The following RHOC variants were observed in gnomAD, a reference collection of about 807,000 sequenced individuals.
RHOC encodes the protein ras homolog family member C.
RHOC carries 13 observed loss-of-function variants against 19.5 expected under a neutral mutation model. That is an observed-to-expected ratio of 0.67 (90% confidence interval 0.43 to 1.06). RHOC has a LOEUF of 1.06. RHOC is among the 50% of genes least tolerant of loss of function. The pLI is 0.00. For synonymous variants in RHOC, 106 were observed against 97.3 expected (o/e 1.09, Z -0.52); for missense variants, 173 against 256.9 (o/e 0.67, Z 2.23).
intron 3 of RHOC, chr1:112,703,390 C>T (rs1242737569): frequency 9.8e-6 from 7 of 715,956 alleles, no homozygotes; most frequent in Non-Finnish European, 1.8e-5. Flanking sequence ...TTACCATCAT[C>T]CCCATTTTGC....
At chr1:112,706,461 A>AC (rs1674866808) in intron 1 of RHOC, among the ~76,000 whole-genome samples, 6 of 10,974 alleles carry the variant, frequency 5.5e-4, no homozygotes, top group African/African-American at 8.7e-4. Flanking sequence ...ACACACACAC[A>AC]CACCACACAC....
chr1:112,703,462 G>A, intron 3 of RHOC, 182 bp downstream of exon 3: 2 of 738,638 alleles, frequency 2.7e-6, no homozygotes, highest in Non-Finnish European at 4.8e-6. Context: ...GCCAGTCTGT[G>A]GGAGAACCAG....
At chr1:112,706,299 C>G (rs928287855) in intron 1 of RHOC, 4 of 152,148 alleles carry the variant, frequency 2.6e-5, no homozygotes, top group African/African-American at 7.2e-5. Context: ...ACTGCATTCT[C>G]AACTTTAAAA....
At position 112,701,161 on chromosome 1, in the gene RHOC, C is replaced by G. The variant is rs965104245; in HGVS notation, c.*379G>C. 6 of 521,632 alleles carry G rather than the reference C, an allele frequency of 1.2e-5. No individual in the cohort carries two copies. The highest frequency in any genetic ancestry group is 1.9e-5 in the African/African-American group (1 of 52,778). 32.3% of individuals were successfully genotyped at this position (521,632 alleles called of 1,614,324 possible). A position where few individuals can be genotyped will look rare whatever the true frequency, so the allele number is the denominator to read the frequency against. ...GCCTGTAGCCTTTATTCATGCCCCC[C>G]TGACCAAATGCAGTGAGAGACAAGG... On this transcript the variant is annotated 3_prime_UTR_variant, in exon 6 of 6. Coordinates refer to ENST00000339083, the MANE Select transcript of RHOC (RefSeq NM_175744.5).
chr1:112,704,113 C>T (rs1674759126), intron 2 of RHOC, among the ~76,000 whole-genome samples: 1 of 152,212 alleles, frequency 6.6e-6, no homozygotes, highest in African/African-American at 2.4e-5. Context: ...CTCCAGGTAG[C>T]TAGAGAGCTG....
Position 112,701,512 on chromosome 1 carries a change from G to A in RHOC, c.*28C>T, listed in dbSNP as rs766271845. The A allele has an allele frequency of 3.7e-6, 6 of 1,613,972 alleles. No homozygotes were observed. In the East Asian group the frequency reaches 6.7e-5, roughly 18 times the overall value. On this transcript the variant is annotated 3_prime_UTR_variant, in exon 6 of 6. Transcript: ENST00000339083. ...AATTTCTGTACCCCTGTGAAGGGAG[G>A]GGGCATGTAGGAAAGGCCTTGGGGA...
intron 3 of RHOC, chr1:112,703,436 C>T (rs1007815707): frequency 1.2e-5 from 9 of 721,482 alleles, no homozygotes; most frequent in African/African-American, 3.5e-5. Context: ...CAAAGGGACT[C>T]GGCCCAGGTT....
chr1:112,703,400 C>T, intron 3 of RHOC: 1 of 714,850 alleles, frequency 1.4e-6, no homozygotes, highest in South Asian at 1.5e-5. Context: ...CCCCATTTTG[C>T]AGGTGGGGGA....
At chr1:112,707,271 C>T (rs1674930262), upstream of RHOC, 1 of 151,552 alleles carries the variant, frequency 6.6e-6, no homozygotes, top group South Asian at 2.1e-4. Flanking sequence ...CTCCGCAGGC[C>T]GGGGACTGGG....
At chr1:112,702,874 A>G in intron 4 of RHOC, 125 bp downstream of exon 4, 1 of 1,405,780 alleles carries the variant, frequency 7.1e-7, no homozygotes, top group Non-Finnish European at 9.9e-7. Context: ...AAAGGAGACC[A>G]ACAGGGCCTG....
chr1:112,703,210 A>C, intron 3 of RHOC, 91 bp from the exon 4 acceptor site: 4 of 1,475,512 alleles, frequency 2.7e-6, no homozygotes, highest in Non-Finnish European at 3.7e-6. Flanking sequence ...GGGCTCACTG[A>C]ACTTCTTTAT....
intron 1 of RHOC, chr1:112,705,857 A>G: frequency 2.8e-6 from 1 of 356,268 alleles, no homozygotes; most frequent in Non-Finnish European, 5.6e-6. Context: ...TCCCCCCAGC[A>G]GGGTAATTCA....
chr1:112,706,252 C>G (rs1472647558), intron 1 of RHOC: 2 of 152,846 alleles, frequency 1.3e-5, no homozygotes, highest in Non-Finnish European at 2.9e-5. Flanking sequence ...CCACCCTACA[C>G]CTAGGGAAGG....
chr1:112,705,686 C>G (rs1446499556), intron 1 of RHOC: 11 of 456,192 alleles, frequency 2.4e-5, no homozygotes, highest in Admixed American at 2.4e-4. Context: ...GTGACTGACG[C>G]TGGGATTTCT....
chr1:112,705,046 A>G (rs535888026), intron 2 of RHOC, 54 bp downstream of exon 2: 1 of 702,278 alleles, frequency 1.4e-6, no homozygotes, highest in African/African-American at 1.7e-5. Context: ...TGCACAGTTC[A>G]TCACACCTTC....
In RHOC at chr1:112,703,701, G is replaced by C. The variant is rs1211586256; in HGVS notation, c.99C>G (p.Val33=). 2 of 1,613,638 alleles carry C rather than the reference G, an allele frequency of 1.2e-6. No homozygotes were observed. The highest frequency in any genetic ancestry group is 2.2e-5 in the South Asian group (2 of 90,834). ...IVFSKDQFPE[V]YVPTVFENYI... The stretch of plus-strand genomic sequence containing the variant: ...AGTTCTCAAAGACAGTAGGGACGTA[G>C]ACCTCCGGAAACTGATCCTTGCTGA... The change falls in exon 3 of 6, where the codon GTC becomes GTG. Residue 33 remains valine, a synonymous_variant. Coordinates refer to ENST00000339083, the MANE Select transcript of RHOC (RefSeq NM_175744.5).
chr1:112,706,018 C>G (rs1674822980), intron 1 of RHOC: 2 of 227,154 alleles, frequency 8.8e-6, no homozygotes, highest in African/African-American at 2.2e-5. Context: ...GACACTAGGC[C>G]CAAGGCCAAG....
chr1:112,707,130 C>T (rs1027918088), upstream of RHOC: 13 of 151,390 alleles, frequency 8.6e-5, no homozygotes, highest in African/African-American at 2.9e-4. Context: ...CTCAGACTGA[C>T]CCCAGGGCCC....
chr1:112,705,173 TG>T lies in RHOC; in HGVS notation c.-76-6del. 1.4e-6 allele frequency: 1 copy of T among 702,124 alleles called. No individual in the cohort carries two copies. Among genetic ancestry groups the T allele is most frequent in the Non-Finnish European group, 2.6e-6 (1 of 384,852 alleles). 43.5% of individuals were successfully genotyped at this position (702,124 alleles called of 1,614,324 possible). A position where few individuals can be genotyped will look rare whatever the true frequency, so the allele number is the denominator to read the frequency against. On this transcript the variant is annotated splice_polypyrimidine_tract_variant and splice_region_variant and intron_variant, in intron 1 of 5. Transcript: ENST00000339083. ...GGAGCTGAGATGAAGTCAAGGCTGT[TG>T]GGAAGGGGGAGGGGGCTAGAGTCTG...
Sources: allele counts gnomAD v4.1 joint callset (sites outside exome capture counted in the v4.1 genomes callset), GRCh38; gene constraint gnomAD v4.1.1; transcripts MANE v1.5; gene names NCBI Gene and HGNC (gene_info 2026-07-23, HGNC 2026-07-21).